PEBP4: variants seen among roughly 807,000 people sequenced by gnomAD.
PEBP4 encodes phosphatidylethanolamine-binding protein 4.
A neutral mutation model predicts 23.9 loss-of-function variants in PEBP4; 22 were observed. The ratio of observed to expected loss-of-function variants is 0.92; its 90% CI spans 0.66 to 1.31. The LOEUF is 1.31. Ranked by LOEUF, PEBP4 falls within the 40% of genes most tolerant of loss-of-function variation. The probability of loss-of-function intolerance (pLI) is 0.00; values close to 1 mark genes in which losing one functional copy is unlikely to be tolerated. For missense variants in PEBP4, 324 were observed against 281.7 expected (o/e 1.15, Z -1.07); for synonymous variants, 112 against 99.3 (o/e 1.13, Z -0.76).
At chr8:22,732,513 T>C (rs1020186459) in intron 4 of PEBP4, among the ~76,000 whole-genome samples, 5 of 152,264 alleles carry the variant, frequency 3.3e-5, no homozygotes, top group Admixed American at 2.0e-4. Flanking sequence ...TGGCACACTT[T>C]ACCTGTGTAA....
chr8:22,740,803 G>T (rs572033758), intron 4 of PEBP4, among the ~76,000 whole-genome samples: 31 of 152,292 alleles, frequency 2.0e-4, no homozygotes, highest in African/African-American at 7.5e-4. Flanking sequence ...AAGGAGGGAG[G>T]CACAGCCCTT....
intron 5 of PEBP4, 136 bp from the exon 6 acceptor site, chr8:22,725,092 G>C (rs1002261896): frequency 9.6e-6 from 6 of 621,954 alleles, no homozygotes; most frequent in Non-Finnish European, 1.7e-5. Flanking sequence ...ATTAGGATTT[G>C]TATTTGGCGG....
At chr8:22,824,421 T>C (rs1293714310) in intron 3 of PEBP4, among the ~76,000 whole-genome samples, 1 of 152,172 alleles carries the variant, frequency 6.6e-6, no homozygotes, top group Non-Finnish European at 1.5e-5. Flanking sequence ...CACTGCTGCC[T>C]GATTCTTTAG....
chr8:22,884,249 G>T (rs1215020112), intron 3 of PEBP4: 1 of 152,204 alleles, frequency 6.6e-6, no homozygotes, highest in Non-Finnish European at 1.5e-5. Context: ...CACCTAGTTA[G>T]AAGCAGTTAT....
intron 3 of PEBP4, among the ~76,000 whole-genome samples, chr8:22,906,884 A>C (rs555364653): frequency 6.6e-6 from 1 of 152,324 alleles, no homozygotes; most frequent in East Asian, 1.9e-4. Flanking sequence ...ATGAACAAGC[A>C]AAAAACGTAA....
At chr8:22,926,535 AAG>A (rs1163437389) in intron 2 of PEBP4, among the ~76,000 whole-genome samples, 1 of 151,580 alleles carries the variant, frequency 6.6e-6, no homozygotes, top group East Asian at 1.9e-4. Flanking sequence ...TTGTAGAGAA[AAG>A]AGTCTCTCTA....
intron 4 of PEBP4, among the ~76,000 whole-genome samples, chr8:22,736,912 GTCT>G (rs1804873801): frequency 6.6e-6 from 1 of 152,086 alleles, no homozygotes; most frequent in South Asian, 2.1e-4. Flanking sequence ...ACTAGTTCTT[GTCT>G]TCTTATGTGA....
rs371415233 is a variant in PEBP4 at position 22,810,361 on chromosome 8, T to G, written c.357+7276A>C. On this transcript the variant is annotated intron_variant, in intron 4 of 6. Transcript: ENST00000256404. ...ATAAACAATGCAAACAGATAGAACT[T>G]TCTAAGACCGAGGAAGGATCACCAT... Among the ~76,000 whole-genome samples the G allele has an allele frequency of 2.0e-5, 3 of 152,220 alleles. No homozygotes were observed. In the East Asian group the frequency reaches 5.8e-4, roughly 29 times the overall value.
At position 22,724,910 on chromosome 8, in the gene PEBP4, G is replaced by A; in HGVS notation, c.450C>T (p.Tyr150=). 6.2e-7 allele frequency: 1 copy of A among 1,614,182 alleles called. No individual in the cohort carries two copies. Among genetic ancestry groups the A allele is most frequent in the Non-Finnish European group, 8.5e-7 (1 of 1,180,038 alleles). Reference sequence around the variant, plus strand: ...CTTCCTGAAGATAGACAAAGAACTGGTAGCGATGGAAGCCACTGTGTGCCG... The same window carrying A: ...CTTCCTGAAGATAGACAAAGAACTGATAGCGATGGAAGCCACTGTGTGCCG... The part of the protein sequence containing the change: ...SPPAHSGFHR[Y]QFFVYLQEGK... Residue 150 remains tyrosine (Y), a synonymous_variant, in exon 6 of 7, where the codon TAC becomes TAT. Transcript: ENST00000256404.
intron 4 of PEBP4, among the ~76,000 whole-genome samples, chr8:22,793,022 A>ATC (rs1034444746): frequency 6.6e-6 from 1 of 152,220 alleles, no homozygotes; most frequent in African/African-American, 2.4e-5. Flanking sequence ...AATTATATAT[A>ATC]TTATAGAAAA....
intron 4 of PEBP4, among the ~76,000 whole-genome samples, chr8:22,728,923 C>T (rs1267833340): frequency 3.3e-5 from 5 of 152,174 alleles, no homozygotes; most frequent in Admixed American, 6.5e-5. Context: ...TAACTTCCTT[C>T]TACTCTCCCT....
At chr8:22,888,828 C>G (rs1473594835) in intron 3 of PEBP4, among the ~76,000 whole-genome samples, 2 of 152,210 alleles carry the variant, frequency 1.3e-5, no homozygotes, top group African/African-American at 2.4e-5. Context: ...TCTTCCATGT[C>G]AGGAAGTGCT....
intron 4 of PEBP4, among the ~76,000 whole-genome samples, chr8:22,744,948 C>T (rs954053935): frequency 4.6e-5 from 7 of 152,158 alleles, no homozygotes; most frequent in African/African-American, 1.7e-4. Context: ...ATGGGAGTTC[C>T]AATCGGCAGC....
At chr8:22,897,526 T>C (rs902434980) in intron 3 of PEBP4, among the ~76,000 whole-genome samples, 2 of 152,140 alleles carry the variant, frequency 1.3e-5, no homozygotes, top group Admixed American at 6.5e-5. Context: ...TACCACCGAG[T>C]ATTTTGCTTT....
intron 3 of PEBP4, among the ~76,000 whole-genome samples, chr8:22,882,303 G>A (rs1808275823): frequency 6.6e-6 from 1 of 152,232 alleles, no homozygotes; most frequent in Admixed American, 6.5e-5. Flanking sequence ...CTAGGAAAGT[G>A]TGCGTCAACA....
chr8:22,794,631 A>G (rs910164372), intron 4 of PEBP4, among the ~76,000 whole-genome samples: 5 of 152,200 alleles, frequency 3.3e-5, no homozygotes, highest in Non-Finnish European at 4.4e-5. Flanking sequence ...GTTACGTGTT[A>G]AAGACAATAA....
rs777396840 is a variant in PEBP4, at chr8:22,724,967, A to C, written c.404-11T>G. 1.3e-6 allele frequency: 2 copies of C among 1,598,334 alleles called. No homozygotes were observed. Among genetic ancestry groups the C allele is most frequent in the East Asian group, 4.5e-5 (2 of 44,794 alleles). On this transcript the variant is annotated splice_polypyrimidine_tract_variant and intron_variant, in intron 5 of 6. Coordinates refer to ENST00000256404, the MANE Select transcript of PEBP4 (RefSeq NM_144962.3). The stretch of plus-strand genomic sequence containing the variant: ...AGGGAGCCTGGTAGGCTATAGGTAG[A>C]AGCAGGAGAGAGGTGAGCATCAACA...
intron 4 of PEBP4, among the ~76,000 whole-genome samples, chr8:22,787,617 G>A (rs971608735): frequency 4.6e-5 from 7 of 152,202 alleles, no homozygotes; most frequent in East Asian, 3.8e-4. Flanking sequence ...CACTGCTTAC[G>A]CAGTCAACAA....
At chr8:22,920,162 T>A (rs1169352283) in intron 3 of PEBP4, 22 bp downstream of exon 3, 7 of 1,579,184 alleles carry the variant, frequency 4.4e-6, no homozygotes, top group Non-Finnish European at 6.1e-6. Context: ...CCCCCCGCTT[T>A]AACACAGCCC....
Sources: gnomAD v4.1 joint callset for allele counts (sites outside exome capture counted in the v4.1 genomes callset) on GRCh38, gnomAD v4.1.1 for gene constraint, MANE v1.5 for transcripts, NCBI Gene and HGNC (gene_info 2026-07-23, HGNC 2026-07-21) for gene names.